Variants in FMN2 observed in about 807,000 individuals in gnomAD.
FMN2 encodes formin 2, also known as formin-2.
FMN2 carries 51 observed loss-of-function variants against 142.3 expected under a neutral mutation model. That is an observed-to-expected ratio of 0.36 (90% CI 0.29 to 0.45). FMN2 has a LOEUF of 0.45. FMN2 is among the 20% of genes least tolerant of loss of function. The pLI, the probability that FMN2 is intolerant of heterozygous loss-of-function variation, is 1.00. For missense variants in FMN2, 1,936 were observed against 2,122.8 expected (o/e 0.91, Z 1.73); for synonymous variants, 882 against 869.8 (o/e 1.01, Z -0.25).
At chr1:240,318,930 A>G (rs1226510848) in intron 8 of FMN2, among the ~76,000 whole-genome samples, 1 of 152,176 alleles carries the variant, frequency 6.6e-6, no homozygotes, top group East Asian at 1.9e-4. Flanking sequence ...TACTGGAATG[A>G]GGATCACTGA....
At chr1:240,356,038 GACATT>G (rs1672261683) in intron 14 of FMN2, 130 bp downstream of exon 14, 1 of 605,556 alleles carries the variant, frequency 1.7e-6, no homozygotes, top group Non-Finnish European at 2.8e-6. Context: ...GGCTTATTTT[GACATT>G]ACAGAAAAAC....
At chr1:240,367,537 G>T (rs2103064344) in intron 14 of FMN2, among the ~76,000 whole-genome samples, 1 of 152,146 alleles carries the variant, frequency 6.6e-6, no homozygotes, top group Non-Finnish European at 1.5e-5. Context: ...TGGAGGCCAA[G>T]GTGGGTGGAT....
intron 2 of FMN2, among the ~76,000 whole-genome samples, chr1:240,161,449 C>T (rs1000380574): frequency 1.3e-5 from 2 of 151,416 alleles, no homozygotes; most frequent in Admixed American, 1.3e-4. Flanking sequence ...AGGAGAATGG[C>T]GTGAACCTGG....
rs768985630 is a variant in FMN2 at position 240,092,594 on chromosome 1, A to T, written c.485A>T (p.Asp162Val). The change falls in exon 1 of 18, where the codon GAT (aspartate) becomes GTT (valine). Residue 162 changes from aspartate (D) to valine (V), a missense_variant. Asp to Val is a radical substitution (Grantham distance 152, BLOSUM62 -3). Coordinates refer to ENST00000319653, the MANE Select transcript of FMN2 (RefSeq NM_020066.5). ...GTCGGGGGCCGGCCGATCGCCGAGG[A>T]TGTGGAAACTGCAGCAGGGGCGCAG... ...ARVGGRPIAEDVETAAGAQDG... is the reference protein window; with the variant it reads ...ARVGGRPIAEVVETAAGAQDG... 8 of 1,613,762 alleles carry T rather than the reference A, an allele frequency of 5.0e-6. No individual in the cohort carries two copies. The highest frequency in any genetic ancestry group is 4.5e-5 in the East Asian group (2 of 44,832).
At chr1:240,340,125 G>A (rs937586215) in intron 13 of FMN2, among the ~76,000 whole-genome samples, 1 of 151,864 alleles carries the variant, frequency 6.6e-6, no homozygotes, top group Admixed American at 6.6e-5. Flanking sequence ...TCCAGACTTT[G>A]GGTACTGTCA....
chr1:240,350,934 G>A (rs1672076083), intron 13 of FMN2, among the ~76,000 whole-genome samples: 1 of 152,186 alleles, frequency 6.6e-6, no homozygotes, highest in Admixed American at 6.5e-5. Context: ...AGCTCACTAT[G>A]ACAGGAAGAT....
intron 6 of FMN2, among the ~76,000 whole-genome samples, chr1:240,232,366 A>T (rs943640686): frequency 6.6e-6 from 1 of 151,542 alleles, no homozygotes; most frequent in Non-Finnish European, 1.5e-5. Flanking sequence ...CTGGCATTAC[A>T]GGCGTGAGCC....
chr1:240,328,104 C>A (rs1470204700), intron 8 of FMN2, among the ~76,000 whole-genome samples: 1 of 132,520 alleles, frequency 7.5e-6, no homozygotes, highest in African/African-American at 2.8e-5. Flanking sequence ...GCAGATGTGG[C>A]GCCATTGTAC....
chr1:240,457,589 T>C (rs577663986), intron 16 of FMN2: 1 of 152,318 alleles, frequency 6.6e-6, no homozygotes, highest in African/African-American at 2.4e-5. Flanking sequence ...AAGACAGCTA[T>C]GGGAGGTGGT....
At chr1:240,421,829 G>C (rs1477653798) in intron 15 of FMN2, among the ~76,000 whole-genome samples, 1 of 151,576 alleles carries the variant, frequency 6.6e-6, no homozygotes, top group Non-Finnish European at 1.5e-5. Context: ...CAGGGGATGG[G>C]AGAACATTTT....
At chr1:240,372,065 G>A (rs934198400) in intron 14 of FMN2, among the ~76,000 whole-genome samples, 3 of 152,048 alleles carry the variant, frequency 2.0e-5, no homozygotes, top group South Asian at 2.1e-4. Context: ...GTGAAACCCC[G>A]TCTGTATTAA....
In FMN2 at chr1:240,207,325, A is replaced by G; in HGVS notation, c.2513A>G (p.Gln838Arg). ...CCCCATTCTATTTCTACCGAGTTTC[A>G]AACCAGCCACGAACACTCTGTTTCC... is the stretch of plus-strand genomic sequence containing the variant. The part of the protein sequence containing the change: ...QPPHSISTEF[Q>R]TSHEHSVSSA... Residue 838 changes from glutamine (Q) to arginine (R), a missense_variant, in exon 5 of 18, where the codon CAA becomes CGA. Gln to Arg is a conservative substitution (Grantham distance 43, BLOSUM62 1). Coordinates refer to ENST00000319653, the MANE Select transcript of FMN2 (RefSeq NM_020066.5). 6.2e-7 allele frequency: 1 copy of G among 1,613,748 alleles called. No homozygotes were observed. The highest frequency in any genetic ancestry group is 8.5e-7 in the Non-Finnish European group (1 of 1,179,834).
intron 6 of FMN2, among the ~76,000 whole-genome samples, chr1:240,240,210 G>A (rs560129521): frequency 1.3e-5 from 2 of 152,122 alleles, no homozygotes; most frequent in African/African-American, 2.4e-5. Flanking sequence ...GGTCAAGGGG[G>A]TAGAGCCTGG....
At chr1:240,242,080 C>T (rs999961596) in intron 6 of FMN2, among the ~76,000 whole-genome samples, 5 of 152,042 alleles carry the variant, frequency 3.3e-5, no homozygotes, top group Non-Finnish European at 4.4e-5. Flanking sequence ...CTCCTGACCT[C>T]GTGATCCGCC....
In FMN2 at chr1:240,242,110, GC is replaced by G. The variant is rs570393054; in HGVS notation, c.4066-15834del. Among the ~76,000 whole-genome samples, 219 of 152,126 alleles carry G rather than the reference GC, an allele frequency of 1.4e-3. 1 individual carries two copies. The highest frequency in any genetic ancestry group is 5.2e-3 in the African/African-American group (216 of 41,516). On this transcript the variant is annotated intron_variant, in intron 6 of 17. Transcript: ENST00000319653. ...TCCGCCTGCCTCGGCCTCCCAAAGT[GC>G]TGGGATGACAGGCGTGAGCCACCGC...
intron 3 of FMN2, among the ~76,000 whole-genome samples, chr1:240,185,481 A>T (rs1665403423): frequency 2.6e-5 from 4 of 152,226 alleles, no homozygotes; most frequent in Admixed American, 2.6e-4. Flanking sequence ...GGGAGAATGA[A>T]TTCAGTTCAG....
chr1:240,139,737 C>T (rs534329663), intron 2 of FMN2, among the ~76,000 whole-genome samples: 101 of 152,182 alleles, frequency 6.6e-4, no homozygotes, highest in African/African-American at 2.0e-3. Flanking sequence ...GGTTTGGAGA[C>T]GAGGGGTGTA....
chr1:240,443,379 C>T (rs1424504756), intron 16 of FMN2, among the ~76,000 whole-genome samples: 1 of 152,180 alleles, frequency 6.6e-6, no homozygotes, highest in African/African-American at 2.4e-5. Context: ...ACAATCTAGA[C>T]TTGTCATCAC....
At chr1:240,186,107 G>A (rs933109051) in intron 3 of FMN2, among the ~76,000 whole-genome samples, 2 of 152,168 alleles carry the variant, frequency 1.3e-5, no homozygotes, top group Middle Eastern at 3.2e-3. Flanking sequence ...GTAAGTGACT[G>A]CATCATGCTA....
Sources: gnomAD v4.1 joint callset for allele counts (sites outside exome capture counted in the v4.1 genomes callset) on GRCh38, gnomAD v4.1.1 for gene constraint, MANE v1.5 for transcripts, NCBI Gene and HGNC (gene_info 2026-07-23, HGNC 2026-07-21) for gene names.